The following NCOA5 variants were observed in gnomAD, a reference collection of about 807,000 sequenced individuals.
The protein encoded by NCOA5 is nuclear receptor coactivator 5.
Under a neutral mutation model 59.0 loss-of-function variants are expected in NCOA5, and 12 were observed. That is an observed-to-expected ratio of 0.20 (90% CI 0.13 to 0.33). The LOEUF is 0.33. NCOA5 is among the 10% of genes least tolerant of loss of function. The probability of loss-of-function intolerance (pLI) is 1.00; values close to 1 mark genes in which losing one functional copy is unlikely to be tolerated. For synonymous variants in NCOA5, 270 were observed against 275.5 expected (o/e 0.98, Z 0.20); for missense variants, 655 against 766.6 (o/e 0.85, Z 1.72).
intron 1 of NCOA5, among the ~76,000 whole-genome samples, chr20:46,084,084 C>G (rs2085021926): frequency 6.6e-6 from 1 of 152,154 alleles, no homozygotes. Context: ...TTTATACTTA[C>G]AGAATGCTTA....
intron 2 of NCOA5, among the ~76,000 whole-genome samples, chr20:46,079,003 T>C (rs1054398361): frequency 6.6e-6 from 1 of 152,168 alleles, no homozygotes; most frequent in African/African-American, 2.4e-5. Context: ...GGCAGCCATT[T>C]GGAATGAAGA....
rs768909871 is a variant in NCOA5, at chr20:46,065,025, G to C, written c.829+4C>G. On this transcript the variant is annotated splice_donor_region_variant and intron_variant, in intron 6 of 7. Coordinates refer to ENST00000290231, the MANE Select transcript of NCOA5 (RefSeq NM_020967.3). Reference sequence around the variant, plus strand: ...TGACTACCTCCGGTATTCTGACTCTGTACCTTGCGGGGTTCCAAACATGAT... The same window carrying C: ...TGACTACCTCCGGTATTCTGACTCTCTACCTTGCGGGGTTCCAAACATGAT... 6.2e-7 allele frequency: 1 copy of C among 1,614,082 alleles called. No individual in the cohort carries two copies. Among genetic ancestry groups the C allele is most frequent in the Non-Finnish European group, 8.5e-7 (1 of 1,179,992 alleles).
chr20:46,072,257 T>C (rs1339531886), intron 2 of NCOA5, among the ~76,000 whole-genome samples: 1 of 152,178 alleles, frequency 6.6e-6, no homozygotes, highest in East Asian at 1.9e-4. Context: ...TTCCAAATCT[T>C]TCTCCAGAAA....
chr20:46,075,620 TAC>T (rs2084929361), intron 2 of NCOA5, among the ~76,000 whole-genome samples: 1 of 152,196 alleles, frequency 6.6e-6, no homozygotes, highest in African/African-American at 2.4e-5. Context: ...CATTCAGAAG[TAC>T]AGTCTTACTT....
intron 1 of NCOA5, among the ~76,000 whole-genome samples, chr20:46,082,493 C>T (rs1396989304): frequency 1.3e-5 from 2 of 152,172 alleles, no homozygotes; most frequent in Admixed American, 1.3e-4. Context: ...AATGTCTCCT[C>T]TGAATAGAAA....
chr20:46,065,473 C>T (rs776120196), intron 5 of NCOA5, among the ~76,000 whole-genome samples: 6 of 152,196 alleles, frequency 3.9e-5, no homozygotes, highest in Admixed American at 1.3e-4. Flanking sequence ...TCTTGATTCT[C>T]TAGCCCTGTG....
rs1252465291 is a variant in NCOA5, at chr20:46,063,628, A to G, written c.882T>C (p.Tyr294=). 16 of 1,613,868 alleles carry G rather than the reference A, an allele frequency of 9.9e-6. No homozygotes were observed. The highest frequency in any genetic ancestry group is 8.9e-5 in the East Asian group (4 of 44,872). Residue 294 remains tyrosine, a synonymous_variant, in exon 7 of 8, where the codon TAT becomes TAC. Transcript: ENST00000290231. The part of the protein sequence containing the change: ...ADAMVLVARN[Y]ERYKNECREK... ...CCCGGCACTCATTCTTGTAACGCTC[A>G]TAATTTCTGGCCACCAGCACCATGG...
chr20:46,063,163 G>T (rs1457013427), intron 7 of NCOA5, among the ~76,000 whole-genome samples, 197 bp downstream of exon 7: 1 of 152,122 alleles, frequency 6.6e-6, no homozygotes, highest in African/African-American at 2.4e-5. Flanking sequence ...TAACTATAGG[G>T]ATCAGCATTC....
Position 46,067,037 on chromosome 20 carries a change from A to G in NCOA5, c.629+18T>C, listed in dbSNP as rs766805844. 1.9e-6 allele frequency: 3 copies of G among 1,610,646 alleles called. No homozygotes were observed. Among genetic ancestry groups the G allele is most frequent in the Middle Eastern group, 1.7e-4 (1 of 6,038 alleles). On this transcript the variant is annotated intron_variant, in intron 5 of 7. Coordinates refer to ENST00000290231, the MANE Select transcript of NCOA5 (RefSeq NM_020967.3). Reference sequence around the variant, plus strand: ...TGACTCTTCTCCTTACTGGGGAGAAATATCTAAGGGTTCTTACTTTGTCTG... The same window carrying G: ...TGACTCTTCTCCTTACTGGGGAGAAGTATCTAAGGGTTCTTACTTTGTCTG...
intron 1 of NCOA5, among the ~76,000 whole-genome samples, chr20:46,087,950 G>C (rs1355732487): frequency 2.6e-5 from 3 of 116,230 alleles, no homozygotes; most frequent in Non-Finnish European, 6.5e-5. Context: ...GTTTTTAACA[G>C]GGGGAGAGAT....
chr20:46,077,065 G>C (rs1013785960), intron 2 of NCOA5, among the ~76,000 whole-genome samples: 3 of 152,130 alleles, frequency 2.0e-5, no homozygotes, highest in Admixed American at 6.5e-5. Flanking sequence ...GTACAGGCAA[G>C]AGCCATGACG....
intron 2 of NCOA5, among the ~76,000 whole-genome samples, chr20:46,076,726 A>G (rs981914691): frequency 6.6e-6 from 1 of 152,094 alleles, no homozygotes; most frequent in African/African-American, 2.4e-5. Flanking sequence ...GGGAAATATC[A>G]CCAAGGGGAA....
At position 46,062,005 on chromosome 20, in the gene NCOA5, A is replaced by AC. The variant is rs1475148245; in HGVS notation, c.*294dup. On this transcript the variant is annotated 3_prime_UTR_variant, in exon 8 of 8. Transcript: ENST00000290231. ...GGGCCTGGCTCCAAATCCAGTAGAAACAGGGACCGGAGAAACCCCATCAAA... is the reference window on the plus strand; with the variant it reads ...GGGCCTGGCTCCAAATCCAGTAGAAACCAGGGACCGGAGAAACCCCATCAAA... 1.3e-5 allele frequency: 3 copies of AC among 239,722 alleles called. No homozygotes were observed. Among genetic ancestry groups the AC allele is most frequent in the African/African-American group, 6.7e-5 (3 of 44,616 alleles). 14.8% of individuals were successfully genotyped at this position (239,722 alleles called of 1,614,324 possible).
intron 2 of NCOA5, among the ~76,000 whole-genome samples, chr20:46,072,117 ATTCT>A (rs1163966873): frequency 6.6e-6 from 1 of 152,050 alleles, no homozygotes; most frequent in African/African-American, 2.4e-5. Flanking sequence ...AATTTTCTCC[ATTCT>A]TTCTCAGTTC....
chr20:46,071,409 A>G (rs1325965980), intron 2 of NCOA5, among the ~76,000 whole-genome samples: 1 of 152,194 alleles, frequency 6.6e-6, no homozygotes, highest in Non-Finnish European at 1.5e-5. Context: ...CCCCATCCCA[A>G]TAAAGTCACT....
intron 1 of NCOA5, among the ~76,000 whole-genome samples, chr20:46,085,699 A>G (rs1246081869): frequency 1.3e-5 from 2 of 152,176 alleles, no homozygotes; most frequent in South Asian, 2.1e-4. Flanking sequence ...GGAGGAATAA[A>G]AGAGAGAGGA....
At chr20:46,086,444 A>T (rs1280170606) in intron 1 of NCOA5, among the ~76,000 whole-genome samples, 3 of 152,206 alleles carry the variant, frequency 2.0e-5, no homozygotes, top group Non-Finnish European at 4.4e-5. Context: ...CCATTTAAAA[A>T]GCAGCATGCA....
intron 2 of NCOA5, 128 bp from the exon 3 acceptor site, chr20:46,070,664 G>A: frequency 3.7e-6 from 3 of 808,006 alleles, no homozygotes; most frequent in South Asian, 3.4e-5. Context: ...AACAGAACAT[G>A]ACTCAACATT....
intron 1 of NCOA5, among the ~76,000 whole-genome samples, chr20:46,081,519 T>A (rs2084991929): frequency 6.6e-6 from 1 of 152,142 alleles, no homozygotes; most frequent in African/African-American, 2.4e-5. Context: ...TTAAAGAATA[T>A]TCAAGATTAT....
Sources: allele counts gnomAD v4.1 joint callset (sites outside exome capture counted in the v4.1 genomes callset), GRCh38; gene constraint gnomAD v4.1.1; transcripts MANE v1.5; gene names NCBI Gene and HGNC (gene_info 2026-07-23, HGNC 2026-07-21).